Variants in HDAC10 observed in about 807,000 individuals in gnomAD.
HDAC10 encodes the protein histone deacetylase 10, also known as polyamine deacetylase HDAC10.
A neutral mutation model predicts 82.3 loss-of-function variants in HDAC10; 90 were observed. The ratio of observed to expected loss-of-function variants is 1.09; its 90% CI spans 0.92 to 1.30. The LOEUF (loss-of-function observed/expected upper bound fraction) is 1.30. Ranked by LOEUF, HDAC10 falls within the 50% of genes most tolerant of loss-of-function variation. HDAC10 has a pLI of 0.00. For missense variants in HDAC10, 934 were observed against 876.3 expected (o/e 1.07, Z -0.83); for synonymous variants, 456 against 391.7 (o/e 1.16, Z -1.94).
At position 50,247,467 on chromosome 22, in the gene HDAC10, C is replaced by G. The variant is rs77250110; in HGVS notation, c.1422+225G>C. On this transcript the variant is annotated intron_variant, in intron 14 of 19. Transcript: ENST00000216271. Reference sequence around the variant, plus strand: ...ACTTTAAATCACCCCCTTCACCTCTCTGCCAAAGAGCATTTAACTGAAGAA... The same window carrying G: ...ACTTTAAATCACCCCCTTCACCTCTGTGCCAAAGAGCATTTAACTGAAGAA... 1.0e-3 allele frequency: 491 copies of G among 484,552 alleles called. 3 individuals carry two copies. Among genetic ancestry groups the G allele is most frequent in the African/African-American group, 8.7e-3 (446 of 51,316 alleles). 30.0% of individuals were successfully genotyped at this position (484,552 alleles called of 1,614,324 possible). A position where few individuals can be genotyped will look rare whatever the true frequency, so the allele number is the denominator to read the frequency against.
At chr22:50,250,704 A>T in intron 2 of HDAC10, 67 bp downstream of exon 2, 2 of 1,462,792 alleles carry the variant, frequency 1.4e-6, no homozygotes, top group Non-Finnish European at 1.8e-6. Context: ...GGGTAGGCCC[A>T]GGTTCTTAGG....
Position 50,246,688 on chromosome 22 carries a change from G to T in HDAC10, c.1562C>A (p.Ala521Asp). ...GACCTGAGAGTCCTACCCGTCATGG[G>T]CGAGGTCTGGAGGCCGGTCCAGCTG... is the stretch of plus-strand genomic sequence containing the variant. The part of the protein sequence containing the change: ...LGQLDRPPDL[A>D]HDGRSLWLNI... The change falls in exon 16 of 20, where the codon GCC (alanine) becomes GAC (aspartate). Residue 521 changes from alanine to aspartate, a missense_variant. Transcript: ENST00000216271. 2 of 1,611,554 alleles carry T rather than the reference G, an allele frequency of 1.2e-6. No homozygotes were observed. The highest frequency in any genetic ancestry group is 2.2e-5 in the South Asian group (2 of 91,010).
chr22:50,249,520 T>TA lies in HDAC10; in HGVS notation c.564-67dup. ...CCCTCAACAGCTCTACAGCTCCCTG[T>TA]AGAACGCTGACCCCTGAGCACATGT... On this transcript the variant is annotated intron_variant, in intron 6 of 19. Coordinates refer to ENST00000216271, the MANE Select transcript of HDAC10 (RefSeq NM_032019.6). The surrounding 1 kb of genome is among the most constrained non-coding windows in gnomAD (Gnocchi z 4.4). 1 of 1,606,868 alleles carries TA rather than the reference T, an allele frequency of 6.2e-7. No individual in the cohort carries two copies.
rs1429564787 is a variant in HDAC10, at chr22:50,246,893, A to G, written c.1496T>C (p.Leu499Pro). ...GGCTTACCTCTGGGCTCCGTGGGAC[A>G]GGCCTCTCCGAACAGCCACATCCAG... ...ATLDVAVRRGLSHGAQRLLCV... is the reference protein window; with the variant it reads ...ATLDVAVRRGPSHGAQRLLCV... The change falls in exon 15 of 20, where the codon CTG (leucine) becomes CCG (proline). Residue 499 changes from leucine to proline, a missense_variant. By Grantham distance (98) the Leu-to-Pro change is moderately conservative. Coordinates refer to ENST00000216271, the MANE Select transcript of HDAC10 (RefSeq NM_032019.6). 2 of 1,612,218 alleles carry G rather than the reference A, an allele frequency of 1.2e-6. No individual in the cohort carries two copies.
chr22:50,249,472 G>A lies in HDAC10; in HGVS notation c.564-18C>T, dbSNP rs972694552. On this transcript the variant is annotated intron_variant, in intron 6 of 19. Coordinates refer to ENST00000216271, the MANE Select transcript of HDAC10 (RefSeq NM_032019.6). The surrounding 1 kb of genome is among the most constrained non-coding windows in gnomAD (Gnocchi z 4.4). ...AAAGGACGCTGCCAACAGCCAGCCA[G>A]GGCCAGAGGTCAAAGGTCAGGACCC... 1.9e-6 allele frequency: 3 copies of A among 1,612,302 alleles called. No homozygotes were observed. The highest frequency in any genetic ancestry group is 1.3e-5 in the African/African-American group (1 of 74,912).
In HDAC10 at chr22:50,250,178, C is replaced by T; in HGVS notation, c.292-18G>A. 3 of 1,603,190 alleles carry T rather than the reference C, an allele frequency of 1.9e-6. No homozygotes were observed. The highest frequency in any genetic ancestry group is 2.6e-6 in the Non-Finnish European group (3 of 1,174,030). ...AAGGTACTCTGTGGGCGCAGGGGCG[C>T]AGATGAGCCCCCTGCCTTCCCTGCT... On this transcript the variant is annotated intron_variant, in intron 3 of 19. Transcript: ENST00000216271.
rs2065077425 is a variant in HDAC10 at position 50,250,967 on chromosome 22, C to G, written c.59+7G>C. 4 of 1,612,320 alleles carry G rather than the reference C, an allele frequency of 2.5e-6. No homozygotes were observed. The highest frequency in any genetic ancestry group is 3.4e-6 in the Non-Finnish European group (4 of 1,179,658). On this transcript the variant is annotated splice_region_variant and intron_variant, in intron 1 of 19. Transcript: ENST00000216271. ...CCCGCACCCCACCTCGGCCAGGTCC[C>G]ACTTACTCGTCCCAGAGCAGCCGGG...
Position 50,248,114 on chromosome 22 carries a change from G to A in HDAC10, c.1113C>T (p.Ser371=). The change falls in exon 13 of 20, where the codon AGC becomes AGT. Residue 371 remains serine, a synonymous_variant. Coordinates refer to ENST00000216271, the MANE Select transcript of HDAC10 (RefSeq NM_032019.6). This position sits in a 1 kb window ranked among gnomAD's most constrained non-coding sequence, Gnocchi z 5.4. Reference sequence around the variant, plus strand: ...GTGGAGGCCTCCCCTCTGGGGAGTGGCTGCTGGGGCTCATCGGCACAGCGG... The same window carrying A: ...GTGGAGGCCTCCCCTCTGGGGAGTGACTGCTGGGGCTCATCGGCACAGCGG... The part of the protein sequence containing the change: ...DVTAVPMSPS[S]HSPEGRPPPL... The A allele has an allele frequency of 6.3e-7, 1 of 1,588,036 alleles. No homozygotes were observed.
At position 50,251,234 on chromosome 22, in the gene HDAC10, G is replaced by T. The variant is rs981897832; in HGVS notation, c.-202C>A. 7.3e-6 allele frequency: 4 copies of T among 546,446 alleles called. No homozygotes were observed. The highest frequency in any genetic ancestry group is 3.2e-5 in the East Asian group (1 of 30,898). 33.8% of individuals were successfully genotyped at this position (546,446 alleles called of 1,614,324 possible). On this transcript the variant is annotated 5_prime_UTR_variant, in exon 1 of 20. Transcript: ENST00000216271. ...AGGCGCGCAGAAGGCACGGAGCGAG[G>T]CTGCAGTCGAAGGGGGAGGCTCCCC...
In HDAC10 at chr22:50,250,541, G is replaced by C; in HGVS notation, c.195-18C>G. The C allele has an allele frequency of 6.3e-7, 1 of 1,588,122 alleles. No homozygotes were observed. Among genetic ancestry groups the C allele is most frequent in the Non-Finnish European group, 8.6e-7 (1 of 1,158,210 alleles). The stretch of plus-strand genomic sequence containing the variant: ...ACTCTGGGCTGCATGCAGATGGGCA[G>C]GCAGGAGAGGCAGGGTCACCAGCAG... On this transcript the variant is annotated intron_variant, in intron 2 of 19. Coordinates refer to ENST00000216271, the MANE Select transcript of HDAC10 (RefSeq NM_032019.6).
In HDAC10 at chr22:50,249,226, A is replaced by G. The variant is rs1207403454; in HGVS notation, c.691-58T>C. On this transcript the variant is annotated intron_variant, in intron 7 of 19. Transcript: ENST00000216271. The surrounding 1 kb of genome is among the most constrained non-coding windows in gnomAD (Gnocchi z 4.4). Reference sequence around the variant, plus strand: ...GTGGGGCAGGGGAGGGGCCCGGGGGAGGGGGTGGGTGGGGACCTGGGGCTT... The same window carrying G: ...GTGGGGCAGGGGAGGGGCCCGGGGGGGGGGGTGGGTGGGGACCTGGGGCTT... The G allele has an allele frequency of 7.0e-5, 51 of 733,730 alleles. No individual in the cohort carries two copies. The highest frequency in any genetic ancestry group is 1.4e-4 in the Admixed American group (6 of 43,154). The allele number at this position is 733,730 out of a possible 1,614,324, so 45.5% of individuals were successfully genotyped here.
In HDAC10 at chr22:50,250,998, G is replaced by C. The variant is rs147929426; in HGVS notation, c.35C>G (p.Thr12Arg). Residue 12 changes from threonine to arginine, a missense_variant, in exon 1 of 20, where the codon ACG becomes AGG. Coordinates refer to ENST00000216271, the MANE Select transcript of HDAC10 (RefSeq NM_032019.6). Reference sequence around the variant, plus strand: ...CTCGTCCCAGAGCAGCCGGGTGGCCGTCATGTCCTCATGGTACACAAGCGC... The same window carrying C: ...CTCGTCCCAGAGCAGCCGGGTGGCCCTCATGTCCTCATGGTACACAAGCGC... ...GTALVYHEDMTATRLLWDDPE... is the reference protein window; with the variant it reads ...GTALVYHEDMRATRLLWDDPE... 2 of 1,612,552 alleles carry C rather than the reference G, an allele frequency of 1.2e-6. No homozygotes were observed. The highest frequency in any genetic ancestry group is 1.7e-6 in the Non-Finnish European group (2 of 1,179,728).
rs200989017 is a variant in HDAC10, at chr22:50,248,509, A to G, written c.907-37T>C. Reference sequence around the variant, plus strand: ...GTGGAGACATGATTGGGGCAGAGATATCACTGGGATGGGATGTCACCGGGA... The same window carrying G: ...GTGGAGACATGATTGGGGCAGAGATGTCACTGGGATGGGATGTCACCGGGA... On this transcript the variant is annotated intron_variant, in intron 10 of 19. Coordinates refer to ENST00000216271, the MANE Select transcript of HDAC10 (RefSeq NM_032019.6). The surrounding 1 kb of genome is among the most constrained non-coding windows in gnomAD (Gnocchi z 5.4). 3 of 1,577,310 alleles carry G rather than the reference A, an allele frequency of 1.9e-6. No homozygotes were observed. The highest frequency in any genetic ancestry group is 2.6e-6 in the Non-Finnish European group (3 of 1,163,454).
At position 50,251,249 on chromosome 22, in the gene HDAC10, G is replaced by A; in HGVS notation, c.-217C>T. 2.1e-6 allele frequency: 1 copy of A among 483,256 alleles called. No homozygotes were observed. The highest frequency in any genetic ancestry group is 3.6e-6 in the Non-Finnish European group (1 of 274,432). 29.9% of individuals were successfully genotyped at this position (483,256 alleles called of 1,614,324 possible). ...ACGGAGCGAGGCTGCAGTCGAAGGG[G>A]GAGGCTCCCCGCGCCTGGCTTCCGG... On this transcript the variant is annotated 5_prime_UTR_variant, in exon 1 of 20. Coordinates refer to ENST00000216271, the MANE Select transcript of HDAC10 (RefSeq NM_032019.6).
Position 50,250,771 on chromosome 22 carries a change from C to A in HDAC10, c.194G>T (p.Ser65Ile). Residue 65 changes from serine (S) to isoleucine (I), a missense_variant and splice_region_variant, in exon 2 of 20, where the codon AGC becomes ATC. Ser to Ile is a moderately radical substitution (Grantham distance 142). Coordinates refer to ENST00000216271, the MANE Select transcript of HDAC10 (RefSeq NM_032019.6). ...TCGTGGGGCCTGCCCCCGTCCTGAC[C>A]TGTGCACCAGGCCCAGCTCCTCTTC... ...ASEEELGLVH[S>I]PEYVSLVRET... 6.3e-7 allele frequency: 1 copy of A among 1,595,522 alleles called. No homozygotes were observed. Among genetic ancestry groups the A allele is most frequent in the South Asian group, 1.1e-5 (1 of 88,384 alleles).
chr22:50,245,663 A>T lies in HDAC10; in HGVS notation c.1986+12T>A, dbSNP rs1323403462. 6.2e-7 allele frequency: 1 copy of T among 1,612,654 alleles called. No individual in the cohort carries two copies. The highest frequency in any genetic ancestry group is 1.3e-5 in the African/African-American group (1 of 74,898). ...CCCCAGGGCAGGGCCATGCCTCCGC[A>T]GTCAGCCTCACCTGCAACATCTTCC... is the stretch of plus-strand genomic sequence containing the variant. On this transcript the variant is annotated intron_variant, in intron 19 of 19. Coordinates refer to ENST00000216271, the MANE Select transcript of HDAC10 (RefSeq NM_032019.6).
At position 50,250,133 on chromosome 22, in the gene HDAC10, C is replaced by G. The variant is rs149121852; in HGVS notation, c.319G>C (p.Ala107Pro). The change falls in exon 4 of 20, where the codon GCA becomes CCA. Residue 107 changes from alanine to proline, a missense_variant. Ala to Pro is a conservative substitution (Grantham distance 27, BLOSUM62 -1). Coordinates refer to ENST00000216271, the MANE Select transcript of HDAC10 (RefSeq NM_032019.6). ...PSTFHCARLA[A>P]GAGLQLVDAV... The stretch of plus-strand genomic sequence containing the variant: ...TCCACCAGCTGCAGTCCAGCCCCTG[C>G]GGCCAGCCGCGCGCAGTGAAAGGTA... 1 of 1,612,468 alleles carries G rather than the reference C, an allele frequency of 6.2e-7. No individual in the cohort carries two copies. Among genetic ancestry groups the G allele is most frequent in the African/African-American group, 1.3e-5 (1 of 74,952 alleles).
rs1031427692 is a variant in HDAC10 at position 50,248,387 on chromosome 22, C to T, written c.992G>A (p.Gly331Glu). 16 of 1,610,216 alleles carry T rather than the reference C, an allele frequency of 9.9e-6. No individual in the cohort carries two copies. Among genetic ancestry groups the T allele is most frequent in the Non-Finnish European group, 1.4e-5 (16 of 1,179,920 alleles). Residue 331 changes from glycine to glutamate, a missense_variant, in exon 11 of 20, where the codon GGG (glycine) becomes GAG (glutamate). By Grantham distance (98) the Gly-to-Glu change is moderately conservative. Transcript: ENST00000216271. This position sits in a 1 kb window ranked among gnomAD's most constrained non-coding sequence, Gnocchi z 5.4. The part of the protein sequence containing the change: ...LLGDPAPPLS[G>E]PMAPCQSALE... Reference sequence around the variant, plus strand: ...GCACCTCTGACATGGCGCCATTGGCCCTGACAGGGGTGGGGCCGGGTCACC... The same window carrying T: ...GCACCTCTGACATGGCGCCATTGGCTCTGACAGGGGTGGGGCCGGGTCACC...
At chr22:50,247,806 G>C (rs1325050541) in intron 13 of HDAC10, 30 bp from the exon 14 acceptor site, 2 of 1,612,514 alleles carry the variant, frequency 1.2e-6, no homozygotes, top group Non-Finnish European at 8.5e-7. Flanking sequence ...GGGACACACA[G>C]ACACGGAGTG....
Sources: gnomAD v4.1 joint callset for allele counts on GRCh38, gnomAD v4.1.1 for gene constraint, Gnocchi (gnomAD v3.1) non-coding constraint, MANE v1.5 for transcripts, NCBI Gene and HGNC (gene_info 2026-07-23, HGNC 2026-07-21) for gene names.